Variants in CFAP61 observed in about 807,000 individuals in gnomAD.
The protein encoded by CFAP61 is cilia and flagella associated protein 61.
Under a neutral mutation model 135.6 loss-of-function variants are expected in CFAP61, and 107 were observed. The observed-to-expected ratio is 0.79, with a 90% CI of 0.67 to 0.93. CFAP61 has a LOEUF of 0.93. Ranked by LOEUF, CFAP61 falls within the 40% of genes least tolerant of loss-of-function variation. CFAP61 has a pLI of 0.00. For missense variants in CFAP61, 1,507 were observed against 1,556.2 expected, an observed-to-expected ratio of 0.97 and a Z score of 0.53; for synonymous variants, 575 against 578.5, an observed-to-expected ratio of 0.99 and a Z score of 0.09.
chr20:20,087,391 G>GC (rs2046883966), intron 6 of CFAP61, among the ~76,000 whole-genome samples: 1 of 152,082 alleles, frequency 6.6e-6, no homozygotes, highest in South Asian at 2.1e-4. Context: ...TGCAGTATTT[G>GC]TTTTTTTGTT....
intron 22 of CFAP61, among the ~76,000 whole-genome samples, chr20:20,279,806 G>A (rs1422246569): frequency 6.6e-6 from 1 of 152,044 alleles, no homozygotes; most frequent in African/African-American, 2.4e-5. Context: ...ACAAAGAATG[G>A]CCCCTGCAGA....
In CFAP61 at chr20:20,075,412, G is replaced by A. The variant is rs534389396; in HGVS notation, c.440-77G>A. The A allele has an allele frequency of 1.9e-6, 3 of 1,540,556 alleles. No homozygotes were observed. In the East Asian group the frequency reaches 6.7e-5, roughly 35 times the overall value. On this transcript the variant is annotated intron_variant, in intron 5 of 26. Coordinates refer to ENST00000245957, the MANE Select transcript of CFAP61 (RefSeq NM_015585.4). ...GAACAATTAAGCACAATTTAGAATG[G>A]AAACTACATTTTGTTCTGACATCCC...
At chr20:20,105,363 A>C (rs1272953281) in intron 8 of CFAP61, among the ~76,000 whole-genome samples, 10 of 151,822 alleles carry the variant, frequency 6.6e-5, no homozygotes, top group Non-Finnish European at 1.5e-5. Flanking sequence ...TATAGCTCTC[A>C]CTCAGTGGCC....
intron 2 of CFAP61, among the ~76,000 whole-genome samples, chr20:20,065,791 C>T (rs1244701978): frequency 1.3e-5 from 2 of 152,104 alleles, no homozygotes; most frequent in African/African-American, 4.8e-5. Context: ...AAAGAATCAC[C>T]TGCGTCCAGT....
intron 14 of CFAP61, among the ~76,000 whole-genome samples, chr20:20,190,521 T>C (rs1436400752): frequency 6.6e-6 from 1 of 152,142 alleles, no homozygotes; most frequent in East Asian, 1.9e-4. Context: ...TGTTCAATAT[T>C]CTGACTATAG....
chr20:20,058,319 A>T (rs1047451349), intron 2 of CFAP61, among the ~76,000 whole-genome samples: 1 of 152,246 alleles, frequency 6.6e-6, no homozygotes, highest in African/African-American at 2.4e-5. Context: ...GGATGGAAAC[A>T]ACTAAAATAC....
At chr20:20,244,523 G>A (rs949604393) in intron 18 of CFAP61, among the ~76,000 whole-genome samples, 2 of 152,166 alleles carry the variant, frequency 1.3e-5, no homozygotes, top group African/African-American at 2.4e-5. Context: ...GGAGTGTCTG[G>A]AATGCAGGGC....
In CFAP61 at chr20:20,359,700, C is replaced by G. The variant is rs1255570540; in HGVS notation, c.3514-510C>G. Among the ~76,000 whole-genome samples the G allele has an allele frequency of 2.0e-5, 2 of 98,280 alleles. No homozygotes were observed. Among genetic ancestry groups the G allele is most frequent in the Non-Finnish European group, 4.9e-5 (2 of 41,112 alleles). The allele number at this position is 98,280 out of a possible 152,430, so 64.5% of individuals were successfully genotyped here. On this transcript the variant is annotated intron_variant, in intron 26 of 26. Transcript: ENST00000245957. This position sits in a 1 kb window ranked among gnomAD's most constrained non-coding sequence, Gnocchi z 4.0. ...AAACAAAACAACAACAACAACAAAACAAGTATGATCTACAGATGATTTTTA... is the reference window on the plus strand; with the variant it reads ...AAACAAAACAACAACAACAACAAAAGAAGTATGATCTACAGATGATTTTTA...
intron 25 of CFAP61, among the ~76,000 whole-genome samples, chr20:20,304,303 T>TGTGTGTGA (rs754913257): frequency 4.4e-4 from 65 of 147,576 alleles, no homozygotes; most frequent in African/African-American, 1.7e-3. Flanking sequence ...TGTGTGTGTG[T>TGTGTGTGA]GAGAGAGAGA....
chr20:20,133,961 A>G (rs2050732569), intron 8 of CFAP61, among the ~76,000 whole-genome samples: 1 of 152,204 alleles, frequency 6.6e-6, no homozygotes, highest in Non-Finnish European at 1.5e-5. Context: ...CTTTATTATC[A>G]ACCTCTTGTC....
intron 8 of CFAP61, among the ~76,000 whole-genome samples, chr20:20,133,682 T>A (rs142487537): frequency 1.2e-4 from 19 of 152,338 alleles, no homozygotes; most frequent in African/African-American, 4.3e-4. Flanking sequence ...AGACACAAAC[T>A]TCAGCTTAAG....
chr20:20,096,283 G>T (rs979273165), intron 7 of CFAP61, among the ~76,000 whole-genome samples: 13 of 152,314 alleles, frequency 8.5e-5, no homozygotes, highest in Non-Finnish European at 1.9e-4. Flanking sequence ...TCCACAATAT[G>T]TCCTTGCTCT....
chr20:20,189,406 G>A (rs552337332), intron 14 of CFAP61, among the ~76,000 whole-genome samples: 1 of 149,174 alleles, frequency 6.7e-6, no homozygotes, highest in Admixed American at 6.7e-5. Context: ...CTGGGAGTCT[G>A]CAAGGTAAAA....
intron 25 of CFAP61, among the ~76,000 whole-genome samples, chr20:20,338,775 A>G (rs751255572): frequency 1.8e-4 from 27 of 152,008 alleles, no homozygotes; most frequent in Admixed American, 3.3e-4. Context: ...TCACATCCCC[A>G]CTCAGTTCAT....
intron 24 of CFAP61, among the ~76,000 whole-genome samples, chr20:20,295,717 C>A (rs2055373885): frequency 6.6e-6 from 1 of 152,044 alleles, no homozygotes; most frequent in Admixed American, 6.5e-5. Flanking sequence ...AAAGTTGACA[C>A]CAGGGGTTAT....
chr20:20,194,829 G>A (rs2056173879), intron 15 of CFAP61, among the ~76,000 whole-genome samples: 1 of 152,190 alleles, frequency 6.6e-6, no homozygotes, highest in Non-Finnish European at 1.5e-5. Flanking sequence ...TCCTTCCAGT[G>A]TAAAACTGCC....
At chr20:20,057,169 A>G (rs1368360742) in intron 2 of CFAP61, among the ~76,000 whole-genome samples, 1 of 151,502 alleles carries the variant, frequency 6.6e-6, no homozygotes, top group East Asian at 1.9e-4. Flanking sequence ...ATGACATGCC[A>G]GAAAAGGATC....
intron 15 of CFAP61, among the ~76,000 whole-genome samples, chr20:20,192,041 T>G (rs2146876776): frequency 6.6e-6 from 1 of 152,242 alleles, no homozygotes; most frequent in South Asian, 2.1e-4. Context: ...TCATTTGGTG[T>G]CTTCTAAATT....
chr20:20,199,909 AGCAGGGCGGCAG>A lies in CFAP61; in HGVS notation c.1932+18_1932+29del. ...GGCGGTCTCCAAGGATCCGGTGGGTAGCAGGGCGGCAGGCAGGGCGGCGCGGTGCCAGCTCCC... is the reference window on the plus strand; with the variant it reads ...GGCGGTCTCCAAGGATCCGGTGGGTAGCAGGGCGGCGCGGTGCCAGCTCCC... On this transcript the variant is annotated splice_region_variant and intron_variant, in intron 17 of 26. Coordinates refer to ENST00000245957, the MANE Select transcript of CFAP61 (RefSeq NM_015585.4). 1 of 1,613,688 alleles carries A rather than the reference AGCAGGGCGGCAG, an allele frequency of 6.2e-7. No individual in the cohort carries two copies. Among genetic ancestry groups the A allele is most frequent in the East Asian group, 2.2e-5 (1 of 44,872 alleles).
Sources: gnomAD v4.1 joint callset for allele counts (sites outside exome capture counted in the v4.1 genomes callset) on GRCh38, gnomAD v4.1.1 for gene constraint, Gnocchi (gnomAD v3.1) non-coding constraint, MANE v1.5 for transcripts, NCBI Gene and HGNC (gene_info 2026-07-23, HGNC 2026-07-21) for gene names.